The following ZNF516 variants were observed in gnomAD, a reference collection of about 807,000 sequenced individuals.
The protein encoded by ZNF516 is zinc finger protein 516.
Under a neutral mutation model 79.7 loss-of-function variants are expected in ZNF516, and 19 were observed. That is an observed-to-expected ratio of 0.24 (90% CI 0.17 to 0.35). The LOEUF (loss-of-function observed/expected upper bound fraction) is 0.35, where lower values mean the gene tolerates loss of function less well. Ranked by LOEUF, ZNF516 falls within the 10% of genes least tolerant of loss-of-function variation. The probability of loss-of-function intolerance (pLI) is 1.00; values close to 1 mark genes in which losing one functional copy is unlikely to be tolerated. For missense variants in ZNF516, 1,678 were observed against 1,679.5 expected (o/e 1.00, Z 0.02); for synonymous variants, 877 against 739.5 (o/e 1.19, Z -3.02).
chr18:76,391,732 G>A (rs1452290648), intron 3 of ZNF516, among the ~76,000 whole-genome samples: 3 of 152,170 alleles, frequency 2.0e-5, no homozygotes, highest in Non-Finnish European at 4.4e-5. Flanking sequence ...TTAGAAACAG[G>A]GACTTCCACA....
intron 3 of ZNF516, among the ~76,000 whole-genome samples, chr18:76,406,487 C>T (rs1167568704): frequency 6.6e-6 from 1 of 152,188 alleles, no homozygotes; most frequent in Admixed American, 6.5e-5. Context: ...TCGCTTGAAC[C>T]CGGGAGACGG....
chr18:76,423,141 C>T (rs1247515117), intron 3 of ZNF516, among the ~76,000 whole-genome samples: 2 of 152,146 alleles, frequency 1.3e-5, no homozygotes, highest in Admixed American at 6.5e-5. Flanking sequence ...AACGGATGTC[C>T]ACAACACAAT....
intron 3 of ZNF516, among the ~76,000 whole-genome samples, chr18:76,433,837 C>T (rs1028023195): frequency 1.3e-5 from 2 of 152,170 alleles, no homozygotes; most frequent in Non-Finnish European, 2.9e-5. Context: ...AATCATCAGT[C>T]GGAATGACTA....
At chr18:76,490,226 C>G (rs1293152142) in intron 1 of ZNF516, 5 of 984,646 alleles carry the variant, frequency 5.1e-6, no homozygotes, top group Non-Finnish European at 6.0e-6. Context: ...ACAAGTAACC[C>G]AACTCTCAAA....
At chr18:76,415,335 CAT>C (rs1344368568) in intron 3 of ZNF516, among the ~76,000 whole-genome samples, 13 of 152,252 alleles carry the variant, frequency 8.5e-5, no homozygotes, top group African/African-American at 1.9e-4. Flanking sequence ...CTGGCCAGCT[CAT>C]GTGTGTGACA....
chr18:76,480,494 TACAC>T (rs910430019), intron 1 of ZNF516, among the ~76,000 whole-genome samples: 99 of 131,138 alleles, frequency 7.5e-4, no homozygotes, highest in East Asian at 4.1e-3. Flanking sequence ...CATATACACA[TACAC>T]ACACACACAC....
rs760489252 is a variant in ZNF516 at position 76,441,768 on chromosome 18, C to T, written c.1287G>A (p.Glu429=). The T allele has an allele frequency of 6.4e-7, 1 of 1,564,490 alleles. No individual in the cohort carries two copies. The highest frequency in any genetic ancestry group is 8.6e-7 in the Non-Finnish European group (1 of 1,161,486). The change falls in exon 3 of 7, where the codon GAG becomes GAA. Residue 429 remains glutamate, a synonymous_variant. Transcript: ENST00000443185. ...WQLATRGKVA[E]PAEYLKYGAW... Reference sequence around the variant, plus strand: ...CCCCGTACTTGAGGTACTCGGCCGGCTCGGCCACCTTACCCCGCGTGGCCA... The same window carrying T: ...CCCCGTACTTGAGGTACTCGGCCGGTTCGGCCACCTTACCCCGCGTGGCCA...
rs115442705 is a variant in ZNF516 at position 76,438,237 on chromosome 18, G to A, written c.1810+3008C>T. On this transcript the variant is annotated intron_variant, in intron 3 of 6. Transcript: ENST00000443185. ...TGCATGCTTCTGTTATTCCTAAGTC[G>A]CCTAAATGCTTTCTGAGCAGAATTC... 1.1e-3 allele frequency among the ~76,000 whole-genome samples: 161 copies of A among 152,246 alleles called. 1 individual carries two copies. The highest frequency in any genetic ancestry group is 3.6e-3 in the African/African-American group (149 of 41,532).
intron 3 of ZNF516, chr18:76,388,047 G>A (rs1024560735): frequency 3.3e-5 from 5 of 152,196 alleles, no homozygotes; most frequent in Admixed American, 6.5e-5. Context: ...GAGTATGGCT[G>A]CGGACAGTCA....
At chr18:76,389,302 T>C (rs1477292222) in intron 3 of ZNF516, 1 of 150,028 alleles carries the variant, frequency 6.7e-6, no homozygotes, top group African/African-American at 2.5e-5. Flanking sequence ...AAAAAATCTC[T>C]GGGTGATTCT....
intron 3 of ZNF516, among the ~76,000 whole-genome samples, chr18:76,430,231 C>G (rs1030575998): frequency 1.3e-5 from 2 of 152,164 alleles, no homozygotes; most frequent in African/African-American, 2.4e-5. Context: ...AAGTAGAACC[C>G]AGTAATATTT....
chr18:76,379,921 C>A lies in ZNF516; in HGVS notation c.2193G>T (p.Met731Ile). 6.2e-7 allele frequency: 1 copy of A among 1,613,988 alleles called. No homozygotes were observed. The highest frequency in any genetic ancestry group is 8.5e-7 in the Non-Finnish European group (1 of 1,179,898). Reference protein sequence around the residue: ...GGKRALAPDLMPLDLSARSTR... With the variant: ...GGKRALAPDLIPLDLSARSTR... ...TCGACCTCGCACTTAAATCTAGCGG[C>A]ATGAGGTCTGGGGCCAGCGCCCGCT... The change falls in exon 4 of 7, where the codon ATG becomes ATT. Residue 731 changes from methionine to isoleucine, a missense_variant. Coordinates refer to ENST00000443185, the MANE Select transcript of ZNF516 (RefSeq NM_014643.4).
chr18:76,475,745 C>G (rs1400166642), intron 1 of ZNF516, among the ~76,000 whole-genome samples: 1 of 152,112 alleles, frequency 6.6e-6, no homozygotes, highest in Non-Finnish European at 1.5e-5. Flanking sequence ...AGGGTGTGTA[C>G]ACACAACAGC....
intron 3 of ZNF516, 95 bp from the exon 4 acceptor site, chr18:76,380,398 T>C (rs2074872163): frequency 5.4e-6 from 8 of 1,490,290 alleles, no homozygotes; most frequent in Non-Finnish European, 5.4e-6. Context: ...TTCCAAGCCA[T>C]CTGTCTTCAG....
intron 3 of ZNF516, among the ~76,000 whole-genome samples, chr18:76,419,315 A>C (rs2075476908): frequency 6.6e-6 from 1 of 152,210 alleles, no homozygotes; most frequent in Non-Finnish European, 1.5e-5. Flanking sequence ...AAACATACTA[A>C]AGGGACACGT....
intron 4 of ZNF516, among the ~76,000 whole-genome samples, chr18:76,372,274 G>A (rs1436679738): frequency 6.6e-6 from 1 of 152,248 alleles, no homozygotes; most frequent in Admixed American, 6.5e-5. Flanking sequence ...AAAGCCACAC[G>A]ACTTTGATTA....
chr18:76,382,992 C>T (rs1375314731), intron 3 of ZNF516, among the ~76,000 whole-genome samples: 3 of 145,790 alleles, frequency 2.1e-5, no homozygotes, highest in Non-Finnish European at 3.0e-5. Flanking sequence ...GCCGAGATGG[C>T]GCCACTGCAC....
chr18:76,410,461 G>A (rs533618205), intron 3 of ZNF516, among the ~76,000 whole-genome samples: 13 of 152,244 alleles, frequency 8.5e-5, no homozygotes, highest in Non-Finnish European at 1.6e-4. Context: ...GGAGCCACTG[G>A]AGGAGGCCTT....
intron 1 of ZNF516, among the ~76,000 whole-genome samples, chr18:76,478,251 T>C (rs1457644131): frequency 6.6e-6 from 1 of 152,200 alleles, no homozygotes; most frequent in Non-Finnish European, 1.5e-5. Flanking sequence ...AAAATATTCA[T>C]TCTTCAACAG....
Sources: allele counts gnomAD v4.1 joint callset (sites outside exome capture counted in the v4.1 genomes callset), GRCh38; gene constraint gnomAD v4.1.1; transcripts MANE v1.5; gene names NCBI Gene and HGNC (gene_info 2026-07-23, HGNC 2026-07-21).